Variants in FAM234A observed in about 807,000 individuals in gnomAD.
FAM234A encodes family with sequence similarity 234 member A.
FAM234A carries 42 observed loss-of-function variants against 49.1 expected under a neutral mutation model. The ratio of observed to expected loss-of-function variants is 0.86; its 90% CI spans 0.67 to 1.11. The LOEUF (loss-of-function observed/expected upper bound fraction) is 1.11, where lower values mean the gene tolerates loss of function less well. Ranked by LOEUF, FAM234A falls within the 50% of genes least tolerant of loss-of-function variation. The pLI is 0.00. For synonymous variants in FAM234A, 369 were observed against 316.2 expected, an observed-to-expected ratio of 1.17 and a Z score of -1.77; for missense variants, 815 against 745.2, an observed-to-expected ratio of 1.09 and a Z score of -1.09.
chr16:259,308 C>G (rs189206243), intron 3 of FAM234A, among the ~76,000 whole-genome samples, 175 bp from the exon 4 acceptor site: 3 of 152,224 alleles, frequency 2.0e-5, no homozygotes, highest in Admixed American at 2.0e-4. Context: ...TGTTGCCCAC[C>G]CCCTGGTTTT....
intron 1 of FAM234A, chr16:248,411 A>T (rs950331471): frequency 6.6e-6 from 1 of 151,962 alleles, no homozygotes; most frequent in South Asian, 2.1e-4. Context: ...AGTAGTTTGA[A>T]TTTTATTTTT....
At chr16:269,497 G>A (rs1475939100), downstream of FAM234A, 2 of 1,612,592 alleles carry the variant, frequency 1.2e-6, no homozygotes, top group Non-Finnish European at 1.7e-6. Context: ...CACTGCCTGG[G>A]CTCACCGTCT....
At chr16:250,911 C>T (rs2050975011) in intron 2 of FAM234A, among the ~76,000 whole-genome samples, 1 of 152,188 alleles carries the variant, frequency 6.6e-6, no homozygotes, top group Admixed American at 6.5e-5. Context: ...TGTAATTATG[C>T]ACTGTATTAT....
downstream of FAM234A, among the ~76,000 whole-genome samples, chr16:266,330 C>T (rs572610877): frequency 2.2e-3 from 331 of 152,326 alleles, no homozygotes; most frequent in African/African-American, 7.6e-3. Flanking sequence ...GGACCCCTGC[C>T]CACCAAGCTG....
At chr16:247,268 C>CACAG (rs1486791967) in intron 1 of FAM234A, among the ~76,000 whole-genome samples, 2 of 151,570 alleles carry the variant, frequency 1.3e-5, no homozygotes, top group Non-Finnish European at 2.9e-5. Flanking sequence ...TAGCTAAGAC[C>CACAG]ACAGGCGTGT....
downstream of FAM234A, among the ~76,000 whole-genome samples, chr16:267,000 G>A (rs559529873): frequency 1.6e-4 from 24 of 152,242 alleles, no homozygotes; most frequent in African/African-American, 5.3e-4. Context: ...CCCACCCTGA[G>A]AAGCCGGAGT....
intron 10 of FAM234A, 32 bp from the exon 11 acceptor site, chr16:263,984 G>A (rs367863094): frequency 5.6e-6 from 9 of 1,596,558 alleles, no homozygotes; most frequent in East Asian, 2.2e-5. Flanking sequence ...TAGCCCCCAC[G>A]TTGGCCCCCA....
At position 260,089 on chromosome 16, in the gene FAM234A, G is replaced by A. The variant is rs780804724; in HGVS notation, c.506G>A (p.Gly169Asp). The A allele has an allele frequency of 7.4e-6, 12 of 1,613,756 alleles. No homozygotes were observed. Among genetic ancestry groups the A allele is most frequent in the African/African-American group, 5.3e-5 (4 of 74,948 alleles). The stretch of plus-strand genomic sequence containing the variant: ...GAGTGTGCTGTGCCCCAGCCAAGAG[G>A]CAGTGAGGCACCTTCTGCCTGCATC... ...LVECAVPQPRGSEAPSACILV... is the reference protein window; with the variant it reads ...LVECAVPQPRDSEAPSACILV... Residue 169 changes from glycine (G) to aspartate (D), a missense_variant, in exon 5 of 13, where the codon GGC becomes GAC. Transcript: ENST00000399932.
intron 1 of FAM234A, among the ~76,000 whole-genome samples, chr16:245,796 T>A (rs6600191): frequency 1.3e-5 from 2 of 152,116 alleles, no homozygotes; most frequent in Non-Finnish European, 2.9e-5. Flanking sequence ...TATATTTAGT[T>A]CATCAGTGTT....
chr16:239,295 G>A (rs565153735), intron 1 of FAM234A, among the ~76,000 whole-genome samples: 4 of 139,090 alleles, frequency 2.9e-5, no homozygotes, highest in African/African-American at 1.1e-4. Flanking sequence ...GCAAGACTCT[G>A]ACTCAAGAAA....
At chr16:248,011 A>T (rs749142940) in intron 1 of FAM234A, among the ~76,000 whole-genome samples, 1 of 152,016 alleles carries the variant, frequency 6.6e-6, no homozygotes, top group Non-Finnish European at 1.5e-5. Context: ...TCATCTGGTT[A>T]AGTCAATTGC....
chr16:262,566 C>A lies in FAM234A; in HGVS notation c.971+13C>A. On this transcript the variant is annotated intron_variant, in intron 8 of 12. Transcript: ENST00000399932. ...TGCTTTCCCACAGGTGGGTCCGGGC[C>A]GCAGCCTTTCTCCATGCAGAGCGCC... 6.4e-7 allele frequency: 1 copy of A among 1,571,608 alleles called. No homozygotes were observed. Among genetic ancestry groups the A allele is most frequent in the Non-Finnish European group, 8.6e-7 (1 of 1,162,294 alleles).
chr16:238,867 G>C (rs1354710286), intron 1 of FAM234A, among the ~76,000 whole-genome samples: 3 of 147,500 alleles, frequency 2.0e-5, no homozygotes, highest in Non-Finnish European at 3.0e-5. Context: ...GGTGGATCAC[G>C]AGGTCAGGAG....
chr16:264,490 C>A, intron 11 of FAM234A, 124 bp from the exon 12 acceptor site: 1 of 776,190 alleles, frequency 1.3e-6, no homozygotes, highest in Non-Finnish European at 2.1e-6. Flanking sequence ...TGGGGGCTGG[C>A]ATTTGGGGGA....
At chr16:257,401 A>C (rs2051279907) in intron 3 of FAM234A, among the ~76,000 whole-genome samples, 1 of 151,024 alleles carries the variant, frequency 6.6e-6, no homozygotes, top group African/African-American at 2.4e-5. Flanking sequence ...GCCCGCCTCC[A>C]TGCCTGGCTA....
downstream of FAM234A, chr16:268,250 C>T: frequency 4.7e-6 from 1 of 214,600 alleles, no homozygotes; most frequent in Admixed American, 5.2e-5. Flanking sequence ...CATACGCACA[C>T]ACACCCATGC....
At chr16:238,216 G>A (rs191999590) in intron 1 of FAM234A, among the ~76,000 whole-genome samples, 1 of 151,862 alleles carries the variant, frequency 6.6e-6, no homozygotes, top group Non-Finnish European at 1.5e-5. Flanking sequence ...ACGAGGTTTC[G>A]CCATGTTGGC....
At position 259,585 on chromosome 16, in the gene FAM234A, C is replaced by G. The variant is rs761524349; in HGVS notation, c.371C>G (p.Ser124Cys). ...NTNSSNNFSRSCVDEGFSSPC... is the reference protein window; with the variant it reads ...NTNSSNNFSRCCVDEGFSSPC... ...AACAGCAGCAACAATTTCAGCCGATCCTGTGTGGACGAAGGTAATTTCATT... is the reference window on the plus strand; with the variant it reads ...AACAGCAGCAACAATTTCAGCCGATGCTGTGTGGACGAAGGTAATTTCATT... Residue 124 changes from serine to cysteine, a missense_variant, in exon 4 of 13, where the codon TCC becomes TGC. Coordinates refer to ENST00000399932, the MANE Select transcript of FAM234A (RefSeq NM_032039.4). The G allele has an allele frequency of 6.3e-7, 1 of 1,596,816 alleles. No individual in the cohort carries two copies. Among genetic ancestry groups the G allele is most frequent in the South Asian group, 1.1e-5 (1 of 90,730 alleles).
chr16:236,491 C>T (rs921865541), intron 1 of FAM234A, among the ~76,000 whole-genome samples: 6 of 151,252 alleles, frequency 4.0e-5, no homozygotes, highest in African/African-American at 1.2e-4. Flanking sequence ...GGTGTGGTGG[C>T]GCACACCTGT....
Sources: gnomAD v4.1 joint callset for allele counts (sites outside exome capture counted in the v4.1 genomes callset) on GRCh38, gnomAD v4.1.1 for gene constraint, MANE v1.5 for transcripts, NCBI Gene and HGNC (gene_info 2026-07-23, HGNC 2026-07-21) for gene names.